Variants in LRRC43 observed in about 807,000 individuals in gnomAD.
LRRC43 encodes leucine rich repeat containing 43, also known as leucine-rich repeat-containing protein 43.
LRRC43 carries 62 observed loss-of-function variants against 64.3 expected under a neutral mutation model. That is an observed-to-expected ratio of 0.96 (90% CI 0.79 to 1.19). LRRC43 has a LOEUF of 1.19. LRRC43 is among the 50% of genes most tolerant of loss of function. The pLI is 0.00. For synonymous variants in LRRC43, 422 were observed against 382.3 expected, an observed-to-expected ratio of 1.10 and a Z score of -1.21; for missense variants, 868 against 845.0, an observed-to-expected ratio of 1.03 and a Z score of -0.34.
intron 4 of LRRC43, 114 bp from the exon 5 acceptor site, chr12:122,190,016 G>A (rs1401067500): frequency 3.4e-6 from 3 of 869,998 alleles, no homozygotes; most frequent in Non-Finnish European, 5.7e-6. Context: ...AGGGGTGCAG[G>A]CCGTGGATGG....
chr12:122,173,940 G>C (rs1418469995), intron 1 of LRRC43: 1 of 1,614,154 alleles, frequency 6.2e-7, no homozygotes, highest in East Asian at 2.2e-5. Context: ...ACGTGTGGGA[G>C]GCCAGCCAGC....
intron 1 of LRRC43, among the ~76,000 whole-genome samples, chr12:122,168,113 CA>C (rs530545923): frequency 3.7e-5 from 5 of 136,390 alleles, no homozygotes; most frequent in Admixed American, 1.5e-4. Flanking sequence ...ACACACCTGG[CA>C]AAAAAAAATG....
upstream of LRRC43, among the ~76,000 whole-genome samples, chr12:122,182,616 C>G (rs1953592152): frequency 6.6e-6 from 1 of 151,748 alleles, no homozygotes; most frequent in African/African-American, 2.4e-5. Flanking sequence ...TCGCTTGAAC[C>G]CGGGACACGG....
chr12:122,186,607 G>T (rs1321981899), intron 3 of LRRC43, among the ~76,000 whole-genome samples: 2 of 152,124 alleles, frequency 1.3e-5, no homozygotes, highest in Admixed American at 6.5e-5. Flanking sequence ...TCTATAAACA[G>T]ATGAATGGAT....
chr12:122,194,959 T>C (rs1953760515), intron 7 of LRRC43, among the ~76,000 whole-genome samples: 1 of 152,254 alleles, frequency 6.6e-6, no homozygotes, highest in South Asian at 2.1e-4. Flanking sequence ...CTGTCTTTTG[T>C]ATTTGCCTAC....
rs768218856 is a variant in LRRC43 at position 122,184,666 on chromosome 12, A to G, written c.298A>G (p.Asn100Asp). 6.2e-6 allele frequency: 10 copies of G among 1,613,880 alleles called. No individual in the cohort carries two copies. The highest frequency in any genetic ancestry group is 6.8e-6 in the Non-Finnish European group (8 of 1,179,898). ...SRHSPWALLN[N>D]SNAEDSFLRE... ...CCACTCCCCCTGGGCTCTGCTGAAC[A>G]ACTCGAATGCAGAAGACAGTTTCCT... The change falls in exon 2 of 12, where the codon AAC becomes GAC. Residue 100 changes from asparagine (N) to aspartate (D), a missense_variant. Transcript: ENST00000339777. This position sits in a 1 kb window ranked among gnomAD's most constrained non-coding sequence, Gnocchi z 4.0.
At chr12:122,188,823 T>A (rs185982542) in intron 4 of LRRC43, among the ~76,000 whole-genome samples, 2 of 152,322 alleles carry the variant, frequency 1.3e-5, no homozygotes, top group African/African-American at 4.8e-5. Flanking sequence ...GGGGCTGTCC[T>A]GGGCATGGTG....
rs764385954 is a variant in LRRC43, at chr12:122,203,427, C to T, written c.1956C>T (p.Arg652=). Residue 652 remains arginine (R), a synonymous_variant, in exon 12 of 12, where the codon CGC becomes CGT. Transcript: ENST00000339777. Reference sequence around the variant, plus strand: ...GCCGCTCGGCGGAGGAGGCTCTGCGCATGTTCGCCGTGTAGGGCGTGGGCA... The same window carrying T: ...GCCGCTCGGCGGAGGAGGCTCTGCGTATGTTCGCCGTGTAGGGCGTGGGCA... ...NQCRSAEEAL[R]MFAV is the part of the protein sequence containing the mutation. 4.3e-6 allele frequency: 7 copies of T among 1,611,232 alleles called. No homozygotes were observed. The highest frequency in any genetic ancestry group is 3.3e-5 in the Admixed American group (2 of 59,934).
At chr12:122,189,276 C>T (rs1189656313) in intron 4 of LRRC43, 2 of 363,218 alleles carry the variant, frequency 5.5e-6, no homozygotes, top group Admixed American at 6.9e-5. Flanking sequence ...CTCTCTCCTT[C>T]CCCCGAGGAA....
At chr12:122,187,673 G>A (rs772231630) in intron 3 of LRRC43, 28 bp from the exon 4 acceptor site, 30 of 1,610,064 alleles carry the variant, frequency 1.9e-5, no homozygotes, top group Middle Eastern at 1.6e-4. Flanking sequence ...GGGCCCCATC[G>A]TCCCGGGCCT....
chr12:122,169,045 G>A (rs1437822928), intron 1 of LRRC43, among the ~76,000 whole-genome samples: 2 of 152,142 alleles, frequency 1.3e-5, no homozygotes, highest in African/African-American at 4.8e-5. Context: ...GTCATGTGAG[G>A]GGTGCGTGAT....
chr12:122,187,579 G>A (rs1271941699), intron 3 of LRRC43, 122 bp from the exon 4 acceptor site: 13 of 734,802 alleles, frequency 1.8e-5, no homozygotes, highest in Non-Finnish European at 2.8e-5. Context: ...GTGGTGCCAG[G>A]GAGGCCAGGT....
At chr12:122,194,050 T>C (rs1481853330) in intron 7 of LRRC43, among the ~76,000 whole-genome samples, 1 of 152,200 alleles carries the variant, frequency 6.6e-6, no homozygotes, top group Non-Finnish European at 1.5e-5. Flanking sequence ...TCCTTCTCTC[T>C]TTTTTGTGCT....
chr12:122,172,449 T>C (rs1456292227), intron 1 of LRRC43: 1 of 1,613,996 alleles, frequency 6.2e-7, no homozygotes, highest in Non-Finnish European at 8.5e-7. Flanking sequence ...GGTCAATGAT[T>C]TTAGTGCGAG....
intron 1 of LRRC43, among the ~76,000 whole-genome samples, chr12:122,174,773 C>A (rs1057406859): frequency 6.6e-6 from 1 of 152,054 alleles, no homozygotes; most frequent in African/African-American, 2.4e-5. Flanking sequence ...CGTGCCTCTG[C>A]AATCTCAGGG....
At chr12:122,185,206 C>T (rs1235991680) in intron 2 of LRRC43, among the ~76,000 whole-genome samples, 3 of 152,180 alleles carry the variant, frequency 2.0e-5, no homozygotes, top group African/African-American at 7.2e-5. Flanking sequence ...CATGGTGGCT[C>T]TCTGGTGCTT....
upstream of LRRC43, among the ~76,000 whole-genome samples, chr12:122,180,954 G>A (rs532676821): frequency 1.3e-5 from 2 of 152,174 alleles, no homozygotes; most frequent in South Asian, 2.1e-4. Flanking sequence ...GGTGGCTCAC[G>A]CCTGTGATCT....
At position 122,193,432 on chromosome 12, in the gene LRRC43, G is replaced by A. The variant is rs185170226; in HGVS notation, c.1349+428G>A. The stretch of plus-strand genomic sequence containing the variant: ...AAAGGCCCACTAGACTGTTAGCTGT[G>A]CTGGCGGCATTTAGATTTCGTGTTC... On this transcript the variant is annotated intron_variant, in intron 7 of 11. Transcript: ENST00000339777. 4.1e-4 allele frequency among the ~76,000 whole-genome samples: 60 copies of A among 147,072 alleles called. No individual in the cohort carries two copies. The East Asian group carries it at 9.7e-3, about 24-fold the overall frequency.
chr12:122,186,566 C>T (rs1017740636), intron 3 of LRRC43, among the ~76,000 whole-genome samples: 5 of 152,158 alleles, frequency 3.3e-5, no homozygotes, highest in African/African-American at 1.2e-4. Flanking sequence ...GCGTTACTCA[C>T]AATAGCAGAA....
Sources: gnomAD v4.1 joint callset for allele counts (sites outside exome capture counted in the v4.1 genomes callset) on GRCh38, gnomAD v4.1.1 for gene constraint, Gnocchi (gnomAD v3.1) non-coding constraint, MANE v1.5 for transcripts, NCBI Gene and HGNC (gene_info 2026-07-23, HGNC 2026-07-21) for gene names.